Variants in CCDC91 observed in about 807,000 individuals in gnomAD.
CCDC91 encodes the protein coiled-coil domain containing 91.
CCDC91 carries 48 observed loss-of-function variants against 63.2 expected under a neutral mutation model. The ratio of observed to expected loss-of-function variants is 0.76; its 90% CI spans 0.60 to 0.97. The LOEUF is 0.97. Ranked by LOEUF, CCDC91 falls within the 50% of genes least tolerant of loss-of-function variation. CCDC91 has a pLI of 0.00. For missense variants in CCDC91, 500 were observed against 494.6 expected, an observed-to-expected ratio of 1.01 and a Z score of -0.10; for synonymous variants, 167 against 165.8, an observed-to-expected ratio of 1.01 and a Z score of -0.06.
At chr12:28,431,749 T>C (rs554133650) in intron 8 of CCDC91, among the ~76,000 whole-genome samples, 43 of 152,120 alleles carry the variant, frequency 2.8e-4, no homozygotes, top group African/African-American at 9.4e-4. Flanking sequence ...TAAATCATTA[T>C]CACCATAATT....
intron 6 of CCDC91, among the ~76,000 whole-genome samples, chr12:28,345,508 A>C (rs1260871232): frequency 6.6e-6 from 1 of 152,012 alleles, no homozygotes; most frequent in East Asian, 1.9e-4. Context: ...ATAGCTATTT[A>C]TTCACTTACT....
At chr12:28,447,439 A>G (rs1338154231) in intron 8 of CCDC91, among the ~76,000 whole-genome samples, 1 of 151,888 alleles carries the variant, frequency 6.6e-6, no homozygotes. Flanking sequence ...TATATTTTTT[A>G]TAATGAGCAT....
At chr12:28,257,316 TG>T (rs755754836) in intron 2 of CCDC91, 71 bp downstream of exon 2, 3 of 934,986 alleles carry the variant, frequency 3.2e-6, no homozygotes, top group Non-Finnish European at 5.1e-6. Flanking sequence ...ATTTTGAAAA[TG>T]TATTATATTT....
intron 1 of CCDC91, among the ~76,000 whole-genome samples, chr12:28,197,423 G>C (rs1941860353): frequency 6.6e-6 from 1 of 152,036 alleles, no homozygotes; most frequent in South Asian, 2.1e-4. Context: ...CTTTTGATAA[G>C]AATTATAGAA....
rs76285353 is a variant in CCDC91 at position 28,475,586 on chromosome 12, G to A, written c.1102-8466G>A. On this transcript the variant is annotated intron_variant, in intron 11 of 12. Transcript: ENST00000536442. The stretch of plus-strand genomic sequence containing the variant: ...AACTTTAAAATTACGTGTGTTGCAG[G>A]AAAAAAGTTCATTGTATACCATCAT... Among the ~76,000 whole-genome samples the A allele has an allele frequency of 2.2e-3, 336 of 152,032 alleles. 3 individuals are homozygous for A. The highest frequency in any genetic ancestry group is 7.7e-3 in the African/African-American group (319 of 41,506).
chr12:28,373,215 A>C (rs149848959), intron 7 of CCDC91, among the ~76,000 whole-genome samples: 57 of 152,236 alleles, frequency 3.7e-4, no homozygotes, highest in Admixed American at 1.6e-3. Flanking sequence ...AATCTTTTTC[A>C]GATTCTCTTA....
chr12:28,472,564 A>G (rs1028128947), intron 11 of CCDC91, among the ~76,000 whole-genome samples: 1 of 152,204 alleles, frequency 6.6e-6, no homozygotes, highest in Non-Finnish European at 1.5e-5. Context: ...AGTTATACCT[A>G]TCATGAAAAT....
intron 3 of CCDC91, among the ~76,000 whole-genome samples, chr12:28,279,660 A>G (rs973608150): frequency 1.3e-5 from 2 of 151,992 alleles, no homozygotes; most frequent in African/African-American, 4.8e-5. Context: ...TGTAATTAGA[A>G]ATTTCCCTAT....
intron 12 of CCDC91, among the ~76,000 whole-genome samples, chr12:28,492,335 A>G (rs750174751): frequency 2.6e-5 from 4 of 151,840 alleles, no homozygotes; most frequent in Admixed American, 6.6e-5. Context: ...TATTCTTAAT[A>G]ATGATACATA....
chr12:28,405,515 A>G (rs1169314599), intron 8 of CCDC91, among the ~76,000 whole-genome samples: 3 of 152,176 alleles, frequency 2.0e-5, no homozygotes, highest in Non-Finnish European at 4.4e-5. Flanking sequence ...TGACCTATAT[A>G]ACTTTTCTTT....
intron 6 of CCDC91, among the ~76,000 whole-genome samples, chr12:28,326,970 A>G (rs1941068763): frequency 6.6e-6 from 1 of 152,118 alleles, no homozygotes; most frequent in Admixed American, 6.6e-5. Context: ...GAGAGCCGAA[A>G]GTCACAGATA....
chr12:28,343,871 C>T (rs1435310851), intron 6 of CCDC91, among the ~76,000 whole-genome samples: 4 of 152,024 alleles, frequency 2.6e-5, no homozygotes, highest in African/African-American at 7.2e-5. Context: ...ATGCATTATT[C>T]TAACATTAAT....
At chr12:28,351,911 T>C (rs1233765470) in intron 6 of CCDC91, among the ~76,000 whole-genome samples, 1 of 152,162 alleles carries the variant, frequency 6.6e-6, no homozygotes, top group East Asian at 1.9e-4. Flanking sequence ...AGGGGATTCA[T>C]GCTATTAGAC....
chr12:28,305,583 A>G (rs1938619777), intron 3 of CCDC91, 66 bp from the exon 4 acceptor site: 1 of 1,369,188 alleles, frequency 7.3e-7, no homozygotes, highest in South Asian at 1.5e-5. Flanking sequence ...TCTTCCTTTC[A>G]ACCTGTTCCC....
At position 28,445,868 on chromosome 12, in the gene CCDC91, A is replaced by G. The variant is rs556646138; in HGVS notation, c.763-4293A>G. 2.0e-5 allele frequency among the ~76,000 whole-genome samples: 3 copies of G among 152,220 alleles called. No homozygotes were observed. The East Asian group carries it at 5.8e-4, about 29-fold the overall frequency. On this transcript the variant is annotated intron_variant, in intron 8 of 12. Coordinates refer to ENST00000536442, the MANE Select transcript of CCDC91 (RefSeq NM_018318.5). ...TTGTCTAATCCCAGTTACCTCCTAA[A>G]GGCCCCATCTCCAACTGCTATCACA...
chr12:28,499,938 T>A (rs955499689), intron 12 of CCDC91, among the ~76,000 whole-genome samples: 1 of 152,164 alleles, frequency 6.6e-6, no homozygotes, highest in Non-Finnish European at 1.5e-5. Context: ...CCACAATGGT[T>A]GAACTAATTT....
intron 11 of CCDC91, among the ~76,000 whole-genome samples, chr12:28,476,056 C>T (rs1017421183): frequency 6.6e-6 from 1 of 151,818 alleles, no homozygotes; most frequent in African/African-American, 2.4e-5. Context: ...TAGTTCATTA[C>T]CCCCAAATCA....
intron 8 of CCDC91, among the ~76,000 whole-genome samples, chr12:28,420,622 C>T (rs1565945274): frequency 6.6e-6 from 1 of 152,114 alleles, no homozygotes; most frequent in Non-Finnish European, 1.5e-5. Context: ...AGAAGAAAAG[C>T]AAACCCAGAG....
At chr12:28,525,318 C>T (rs1389014321) in intron 12 of CCDC91, among the ~76,000 whole-genome samples, 4 of 152,020 alleles carry the variant, frequency 2.6e-5, no homozygotes, top group African/African-American at 9.7e-5. Context: ...TCATTCAGTT[C>T]GAAGAGTTTT....
Sources: gnomAD v4.1 joint callset for allele counts (sites outside exome capture counted in the v4.1 genomes callset) on GRCh38, gnomAD v4.1.1 for gene constraint, MANE v1.5 for transcripts, NCBI Gene and HGNC (gene_info 2026-07-23, HGNC 2026-07-21) for gene names.